The following SLC1A2 variants were observed in gnomAD, a reference collection of about 807,000 sequenced individuals.
The protein encoded by SLC1A2 is solute carrier family 1 member 2, also known as excitatory amino acid transporter 2.
A neutral mutation model predicts 48.8 loss-of-function variants in SLC1A2; 15 were observed. The ratio of observed to expected loss-of-function variants is 0.31; its 90% CI spans 0.21 to 0.47. The LOEUF (loss-of-function observed/expected upper bound fraction) is 0.47, where lower values mean the gene tolerates loss of function less well. Among genes scored for constraint, SLC1A2 ranks in the 20% least tolerant of loss-of-function variants. The pLI, the probability that SLC1A2 is intolerant of heterozygous loss-of-function variation, is 0.99. For synonymous variants in SLC1A2, 279 were observed against 272.6 expected (o/e 1.02, Z -0.23); for missense variants, 502 against 730.5 (o/e 0.69, Z 3.61).
intron 1 of SLC1A2, among the ~76,000 whole-genome samples, chr11:35,404,705 C>G (rs1855234303): frequency 6.6e-6 from 1 of 152,200 alleles, no homozygotes; most frequent in Non-Finnish European, 1.5e-5. Flanking sequence ...CCCGGTCTGT[C>G]TGACCACTGG....
intron 1 of SLC1A2, among the ~76,000 whole-genome samples, chr11:35,348,631 C>G (rs12420201): frequency 0.19 from 29,467 of 151,834 alleles, 3,157 homozygotes; most frequent in Middle Eastern, 0.27. Flanking sequence ...GGTGGCTCAT[C>G]CTGTAATCCC....
In SLC1A2 at chr11:35,314,781, T is replaced by C. The variant is rs529666250; in HGVS notation, c.310+242A>G. On this transcript the variant is annotated intron_variant, in intron 3 of 10. Transcript: ENST00000278379. ...TAACATGTGGCTGTGTTTCCTTTTC[T>C]TTTCTTTTTTTTTTTTTCTTTTTTT... is the stretch of plus-strand genomic sequence containing the variant. 2.3e-3 allele frequency among the ~76,000 whole-genome samples: 151 copies of C among 66,656 alleles called. 1 individual carries two copies. Among genetic ancestry groups the C allele is most frequent in the African/African-American group, 7.8e-3 (150 of 19,262 alleles). 43.7% of individuals were successfully genotyped at this position (66,656 alleles called of 152,430 possible).
chr11:35,395,354 T>G (rs1854919846), intron 1 of SLC1A2, among the ~76,000 whole-genome samples: 2 of 151,996 alleles, frequency 1.3e-5, no homozygotes, highest in African/African-American at 4.8e-5. Flanking sequence ...TCATTGTATG[T>G]GTGAAGCTCT....
In SLC1A2 at chr11:35,290,396, A is replaced by G. The variant is rs541667611; in HGVS notation, c.1091+1891T>C. 2.6e-4 allele frequency among the ~76,000 whole-genome samples: 40 copies of G among 152,308 alleles called. No individual in the cohort carries two copies. In the South Asian group the frequency reaches 8.3e-3, roughly 32 times the overall value. Reference sequence around the variant, plus strand: ...AAAAAATGGTAGTAAAGTCTATTGCAATAGATACAACTTTTATGATACGTT... The same window carrying G: ...AAAAAATGGTAGTAAAGTCTATTGCGATAGATACAACTTTTATGATACGTT... On this transcript the variant is annotated intron_variant, in intron 7 of 10. Transcript: ENST00000278379.
chr11:35,287,068 ATGTG>A lies in SLC1A2; in HGVS notation c.1092-121_1092-118del. The A allele has an allele frequency of 6.3e-6, 5 of 791,794 alleles. No homozygotes were observed. The Admixed American group carries it at 7.3e-5, about 12-fold the overall frequency. The allele number at this position is 791,794 out of a possible 1,614,324, so 49.0% of individuals were successfully genotyped here. A position where few individuals can be genotyped will look rare whatever the true frequency, so the allele number is the denominator to read the frequency against. The stretch of plus-strand genomic sequence containing the variant: ...TTTCTTGTTTTGTGTCAATCAAGCA[ATGTG>A]ACATGCAAAAAAGCAGTATCTGGAG... On this transcript the variant is annotated intron_variant, in intron 7 of 10. Transcript: ENST00000278379.
At chr11:35,413,628 CCT>C (rs1855528361) in intron 1 of SLC1A2, 1 of 152,072 alleles carries the variant, frequency 6.6e-6, no homozygotes, top group Non-Finnish European at 1.5e-5. Flanking sequence ...TGTTCAAAAT[CCT>C]CTGTGAGCCT....
chr11:35,408,364 G>A (rs536818276), intron 1 of SLC1A2, among the ~76,000 whole-genome samples: 222 of 152,324 alleles, frequency 1.5e-3, no homozygotes, highest in Middle Eastern at 3.4e-3. Flanking sequence ...CCCATGTGCT[G>A]TGGGAGGGAC....
intron 9 of SLC1A2, among the ~76,000 whole-genome samples, chr11:35,273,584 T>G (rs114859937): frequency 0.012 from 1,833 of 152,304 alleles, 40 homozygotes; most frequent in African/African-American, 0.042. Flanking sequence ...ATATTACCAT[T>G]TTTAGTCCAG....
rs199551960 is a variant in SLC1A2, at chr11:35,407,086, TA to T, written c.17+11863del. 2.2e-3 allele frequency among the ~76,000 whole-genome samples: 315 copies of T among 140,302 alleles called. 1 individual carries two copies. Among genetic ancestry groups the T allele is most frequent in the Admixed American group, 3.6e-3 (51 of 14,076 alleles). The allele number at this position is 140,302 out of a possible 152,430, so 92.0% of individuals were successfully genotyped here. On this transcript the variant is annotated intron_variant, in intron 1 of 10. Coordinates refer to ENST00000278379, the MANE Select transcript of SLC1A2 (RefSeq NM_004171.4). ...TAGAAAGGACTTAAAAGGTAAATCT[TA>T]AAAAAAAAAAAAACAGCAAGCACTA...
chr11:35,388,386 A>G (rs1327734879), intron 1 of SLC1A2, among the ~76,000 whole-genome samples: 2 of 152,054 alleles, frequency 1.3e-5, no homozygotes, highest in Non-Finnish European at 2.9e-5. Context: ...AATCTCAGAC[A>G]TGTTTGTTTT....
intron 1 of SLC1A2, chr11:35,323,041 C>T (rs774890243): frequency 4.5e-6 from 2 of 443,656 alleles, no homozygotes; most frequent in Non-Finnish European, 8.1e-6. Flanking sequence ...GCAAATGAAA[C>T]TTAAAGGGTG....
chr11:35,333,152 C>T (rs188825901), intron 1 of SLC1A2, among the ~76,000 whole-genome samples: 1 of 152,270 alleles, frequency 6.6e-6, no homozygotes, highest in Non-Finnish European at 1.5e-5. Flanking sequence ...GTGGCTCACA[C>T]CTGTAATCCC....
At chr11:35,389,945 G>A (rs1230608051) in intron 1 of SLC1A2, among the ~76,000 whole-genome samples, 1 of 152,096 alleles carries the variant, frequency 6.6e-6, no homozygotes, top group Non-Finnish European at 1.5e-5. Flanking sequence ...TCACTTTTCC[G>A]GATTTCTGTT....
At chr11:35,359,920 A>G (rs1853616601) in intron 1 of SLC1A2, 1 of 173,964 alleles carries the variant, frequency 5.7e-6, no homozygotes, top group African/African-American at 2.4e-5. Context: ...GGCTCTCATG[A>G]GTGTCTTATA....
chr11:35,314,218 G>GA (rs1040847373), intron 3 of SLC1A2, among the ~76,000 whole-genome samples: 1 of 152,178 alleles, frequency 6.6e-6, no homozygotes, highest in Non-Finnish European at 1.5e-5. Flanking sequence ...TGGTGGTAGT[G>GA]AAAAATAAGT....
upstream of SLC1A2, chr11:35,420,168 C>T (rs574439801): frequency 1.1e-5 from 2 of 181,000 alleles, no homozygotes; most frequent in South Asian, 7.6e-5. Context: ...CGAGAGAGGT[C>T]GGCCTCGTGG....
chr11:35,388,396 T>C (rs1854650611), intron 1 of SLC1A2, among the ~76,000 whole-genome samples: 1 of 152,134 alleles, frequency 6.6e-6, no homozygotes, highest in Non-Finnish European at 1.5e-5. Flanking sequence ...ATGTTTGTTT[T>C]TGTTTTGTTT....
Position 35,286,858 on chromosome 11 carries a change from G to T in SLC1A2, c.1185C>A (p.Thr395=). 6.2e-7 allele frequency: 1 copy of T among 1,613,964 alleles called. No homozygotes were observed. The highest frequency in any genetic ancestry group is 8.5e-7 in the Non-Finnish European group (1 of 1,179,872). The change falls in exon 8 of 11, where the codon ACC becomes ACA. Residue 395 remains threonine (T), a synonymous_variant. Transcript: ENST00000278379. ...VTRFVLPVGA[T]INMDGTALYE... ...AAAGGGCTGTACCATCCATGTTAATGGTTGCTCCAACAGGAAGGACGAATC... is the reference window on the plus strand; with the variant it reads ...AAAGGGCTGTACCATCCATGTTAATTGTTGCTCCAACAGGAAGGACGAATC...
At chr11:35,356,777 C>T (rs1210261645) in intron 1 of SLC1A2, among the ~76,000 whole-genome samples, 3 of 152,054 alleles carry the variant, frequency 2.0e-5, no homozygotes, top group African/African-American at 7.2e-5. Context: ...AAAAGTAATC[C>T]TTATTCTTTC....
Sources: allele counts gnomAD v4.1 joint callset (sites outside exome capture counted in the v4.1 genomes callset), GRCh38; gene constraint gnomAD v4.1.1; transcripts MANE v1.5; gene names NCBI Gene and HGNC (gene_info 2026-07-23, HGNC 2026-07-21).